The following FGD5 variants were observed in gnomAD, a reference collection of about 807,000 sequenced individuals.
FGD5 encodes FYVE, RhoGEF and PH domain-containing protein 5.
In FGD5, 28 loss-of-function variants were observed where a neutral mutation model predicts 133.4. The ratio of observed to expected loss-of-function variants is 0.21; its 90% CI spans 0.16 to 0.29. The LOEUF (loss-of-function observed/expected upper bound fraction) is 0.29. Ranked by LOEUF, FGD5 falls within the 10% of genes least tolerant of loss-of-function variation. The probability of loss-of-function intolerance (pLI) is 1.00; values close to 1 mark genes in which losing one functional copy is unlikely to be tolerated. For missense variants in FGD5, 1,858 were observed against 1,895.2 expected (o/e 0.98, Z 0.36); for synonymous variants, 810 against 776.5 (o/e 1.04, Z -0.72).
At chr3:14,907,466 C>T (rs2038361630) in intron 9 of FGD5, among the ~76,000 whole-genome samples, 174 bp from the exon 10 acceptor site, 1 of 152,228 alleles carries the variant, frequency 6.6e-6, no homozygotes, top group Admixed American at 6.5e-5. Context: ...TGGTGGCTCC[C>T]TGCAGACCCA....
upstream of FGD5, among the ~76,000 whole-genome samples, chr3:14,817,066 A>G (rs1456459124): frequency 1.3e-5 from 2 of 152,240 alleles, no homozygotes; most frequent in Non-Finnish European, 1.5e-5. Context: ...TGTAAAATGC[A>G]TATTAGATTT....
chr3:14,817,601 G>T (rs1198245718), upstream of FGD5, among the ~76,000 whole-genome samples: 1 of 152,208 alleles, frequency 6.6e-6, no homozygotes, highest in Non-Finnish European at 1.5e-5. Context: ...GATTAGTAAT[G>T]TTAGATGTTT....
At position 14,830,175 on chromosome 3, in the gene FGD5, A is replaced by G. The variant is rs76509765; in HGVS notation, c.2525+8579A>G. On this transcript the variant is annotated intron_variant, in intron 1 of 19. Transcript: ENST00000285046. ...GTTTTTGACAAATGAACTCATGCAG[A>G]GCTTTCATTAAGTTTCATTGAAAGG... Among the ~76,000 whole-genome samples, 1,393 of 152,322 alleles carry G rather than the reference A, an allele frequency of 9.1e-3. 20 individuals are homozygous for G. The highest frequency in any genetic ancestry group is 0.031 in the African/African-American group (1,285 of 41,564).
intron 1 of FGD5, among the ~76,000 whole-genome samples, chr3:14,832,517 CCTT>C (rs1180124449): frequency 6.6e-6 from 1 of 152,174 alleles, no homozygotes; most frequent in African/African-American, 2.4e-5. Context: ...CTGTGTGGTT[CCTT>C]CTTTATGTGC....
intron 1 of FGD5, among the ~76,000 whole-genome samples, chr3:14,834,466 T>G (rs1248417370): frequency 3.3e-5 from 5 of 152,250 alleles, no homozygotes; most frequent in African/African-American, 1.2e-4. Context: ...CTCACTGCAC[T>G]GGAGCCGTTA....
intron 2 of FGD5, among the ~76,000 whole-genome samples, chr3:14,878,281 A>G (rs1288988911): frequency 6.6e-6 from 1 of 152,150 alleles, no homozygotes; most frequent in East Asian, 1.9e-4. Flanking sequence ...ATACCATGAA[A>G]CAGTGCTGGA....
intron 4 of FGD5, among the ~76,000 whole-genome samples, chr3:14,893,469 A>G (rs1295596390): frequency 6.6e-6 from 1 of 152,116 alleles, no homozygotes; most frequent in East Asian, 1.9e-4. Context: ...TTCCTGCTTC[A>G]GCAAATACCT....
intron 1 of FGD5, among the ~76,000 whole-genome samples, chr3:14,843,703 TGGGG>T (rs869097450): frequency 5.6e-5 from 7 of 124,014 alleles, no homozygotes; most frequent in Admixed American, 2.6e-4. Context: ...TTTTTTTTTT[TGGGG>T]GGAGACAGAG....
At chr3:14,895,143 CTCTCATTCTGTGGGTTG>C (rs2038109041) in intron 4 of FGD5, among the ~76,000 whole-genome samples, 1 of 152,108 alleles carries the variant, frequency 6.6e-6, no homozygotes, top group Non-Finnish European at 1.5e-5. Flanking sequence ...TACGTATTTT[CTCTCATTCTGTGGGTTG>C]TCTCTTTGTT....
At chr3:14,893,641 C>A (rs2038074085) in intron 4 of FGD5, among the ~76,000 whole-genome samples, 1 of 151,562 alleles carries the variant, frequency 6.6e-6, no homozygotes, top group Non-Finnish European at 1.5e-5. Flanking sequence ...AGCCACCATG[C>A]CTGGCCTCTT....
intron 1 of FGD5, among the ~76,000 whole-genome samples, chr3:14,841,727 G>A (rs959972210): frequency 1.1e-4 from 17 of 152,196 alleles, no homozygotes; most frequent in Admixed American, 1.1e-3. Flanking sequence ...GGTGCAAAAG[G>A]AAGCCCTGTC....
chr3:14,824,516 T>G (rs1022828392), intron 1 of FGD5, among the ~76,000 whole-genome samples: 3 of 152,196 alleles, frequency 2.0e-5, no homozygotes, highest in Non-Finnish European at 4.4e-5. Flanking sequence ...TAGCCCTGAC[T>G]GAAGGGCAGG....
chr3:14,929,396 T>G (rs2038865843), intron 18 of FGD5, among the ~76,000 whole-genome samples: 1 of 152,220 alleles, frequency 6.6e-6, no homozygotes, highest in Non-Finnish European at 1.5e-5. Context: ...GGCAGGCATA[T>G]ATTTGGTTTA....
At chr3:14,854,165 A>T (rs1459706054) in intron 1 of FGD5, among the ~76,000 whole-genome samples, 2 of 151,504 alleles carry the variant, frequency 1.3e-5, no homozygotes, top group African/African-American at 4.9e-5. Context: ...TCACACAGTG[A>T]CTCTTTTCTG....
intron 9 of FGD5, among the ~76,000 whole-genome samples, chr3:14,905,141 G>A (rs2038315137): frequency 6.6e-6 from 1 of 152,096 alleles, no homozygotes; most frequent in Non-Finnish European, 1.5e-5. Flanking sequence ...TTAATTTGTG[G>A]AAGATATTTT....
At chr3:14,887,264 G>A (rs902450) in intron 4 of FGD5, among the ~76,000 whole-genome samples, 106,116 of 151,974 alleles carry the variant, frequency 0.7, 37,168 homozygotes, top group Non-Finnish European at 0.72. Flanking sequence ...AGCTGGACCC[G>A]TACCCTTGTT....
intron 6 of FGD5, 75 bp downstream of exon 6, chr3:14,898,170 C>A: frequency 6.3e-7 from 1 of 1,580,488 alleles, no homozygotes. Context: ...TAATGCAAAT[C>A]AGTGGGACAT....
chr3:14,819,636 G>T lies in FGD5; in HGVS notation c.565G>T (p.Val189Phe), dbSNP rs751875219. Residue 189 changes from valine to phenylalanine, a missense_variant, in exon 1 of 20, where the codon GTC becomes TTC. Around this residue, in one of 3 missense-constraint regions of FGD5, gnomAD observed 1,824 missense variants for 1,848.9 expected, o/e 0.99. Coordinates refer to ENST00000285046, the MANE Select transcript of FGD5 (RefSeq NM_152536.4). This position sits in a 1 kb window ranked among gnomAD's most constrained non-coding sequence, Gnocchi z 4.1. ...EDSGPWAGEG[V>F]FQSDLLLPHI... ...CAGTGGGCCTTGGGCTGGAGAGGGG[G>T]TCTTCCAGAGCGACCTCCTCCTGCC... 5 of 1,550,724 alleles carry T rather than the reference G, an allele frequency of 3.2e-6. No individual in the cohort carries two copies. The highest frequency in any genetic ancestry group is 1.7e-6 in the Non-Finnish European group (2 of 1,146,606).
intron 1 of FGD5, among the ~76,000 whole-genome samples, chr3:14,862,433 T>A (rs1277470338): frequency 6.6e-6 from 1 of 152,204 alleles, no homozygotes; most frequent in East Asian, 1.9e-4. Context: ...GAGTTGTCCC[T>A]GACCTTTAGG....
Sources: gnomAD v4.1 joint callset for allele counts (sites outside exome capture counted in the v4.1 genomes callset) on GRCh38, gnomAD v4.1.1 for gene constraint, gnomAD v4.1.1 regional missense constraint, Gnocchi (gnomAD v3.1) non-coding constraint, MANE v1.5 for transcripts, NCBI Gene and HGNC (gene_info 2026-07-23, HGNC 2026-07-21) for gene names.